The following ASTN1 variants were observed in gnomAD, a reference collection of about 807,000 sequenced individuals.
ASTN1 encodes astrotactin 1.
ASTN1 carries 41 observed loss-of-function variants against 140.7 expected under a neutral mutation model. The ratio of observed to expected loss-of-function variants is 0.29; its 90% CI spans 0.23 to 0.38. The LOEUF is 0.38. Ranked by LOEUF, ASTN1 falls within the 10% of genes least tolerant of loss-of-function variation. The pLI is 1.00. For missense variants in ASTN1, 1,479 were observed against 1,678.8 expected (o/e 0.88, Z 2.08); for synonymous variants, 640 against 652.2 (o/e 0.98, Z 0.29).
chr1:176,986,019 G>A (rs1673887670), intron 8 of ASTN1, among the ~76,000 whole-genome samples: 1 of 152,184 alleles, frequency 6.6e-6, no homozygotes, highest in South Asian at 2.1e-4. Flanking sequence ...CTTCCAGAGG[G>A]CGCAGCTGAG....
chr1:177,004,605 C>A (rs1015673796), intron 8 of ASTN1, among the ~76,000 whole-genome samples: 2 of 152,110 alleles, frequency 1.3e-5, no homozygotes, highest in African/African-American at 4.8e-5. Context: ...ACCAAAATAG[C>A]ATGGTACTGG....
At chr1:177,051,272 T>C (rs1333131732) in intron 2 of ASTN1, among the ~76,000 whole-genome samples, 1 of 152,236 alleles carries the variant, frequency 6.6e-6, no homozygotes, top group Non-Finnish European at 1.5e-5. Flanking sequence ...GGTTGTAGTC[T>C]TTATGTGGGT....
At chr1:177,124,332 T>C (rs757412343) in intron 1 of ASTN1, among the ~76,000 whole-genome samples, 1 of 152,214 alleles carries the variant, frequency 6.6e-6, no homozygotes, top group Admixed American at 6.5e-5. Context: ...CTGAGGCTGA[T>C]AGAGTTCAGT....
intron 1 of ASTN1, among the ~76,000 whole-genome samples, chr1:177,159,066 CAAAAAAAAAAAA>C (rs57759902): frequency 1.3e-5 from 1 of 74,650 alleles, no homozygotes; most frequent in African/African-American, 3.6e-5. Context: ...GGATCCATCT[CAAAAAAAAAAAA>C]AAAAAAAAAT....
chr1:176,969,744 G>T (rs1345244364), intron 8 of ASTN1, among the ~76,000 whole-genome samples: 1 of 152,134 alleles, frequency 6.6e-6, no homozygotes, highest in Non-Finnish European at 1.5e-5. Context: ...TTTGATATGT[G>T]GTCTCCAATA....
chr1:177,064,378 C>A (rs990089739), intron 1 of ASTN1, among the ~76,000 whole-genome samples: 6 of 152,170 alleles, frequency 3.9e-5, no homozygotes, highest in African/African-American at 1.4e-4. Context: ...TTAATATATT[C>A]ACAAAGTTGT....
At position 176,862,335 on chromosome 1, in the gene ASTN1, C is replaced by T. The variant is rs959233417; in HGVS notation, c.*1949G>A. 8 of 985,374 alleles carry T rather than the reference C, an allele frequency of 8.1e-6. No individual in the cohort carries two copies. The African/African-American group carries it at 1.4e-4, about 17-fold the overall frequency. The allele number at this position is 985,374 out of a possible 1,614,324, so 61.0% of individuals were successfully genotyped here. ...TGCTTTATCTCAGCCTCATCACAGG[C>T]TTCCTTCCCAGTCATGAGGGTGGGG... On this transcript the variant is annotated 3_prime_UTR_variant, in exon 23 of 23. Transcript: ENST00000361833.
At chr1:177,012,219 G>A (rs569270989) in intron 8 of ASTN1, among the ~76,000 whole-genome samples, 10 of 152,216 alleles carry the variant, frequency 6.6e-5, no homozygotes, top group Non-Finnish European at 1.0e-4. Flanking sequence ...AACAAATTTC[G>A]ATTAATTTTG....
At chr1:176,946,855 T>C (rs1210673779) in intron 12 of ASTN1, among the ~76,000 whole-genome samples, 1 of 152,228 alleles carries the variant, frequency 6.6e-6, no homozygotes, top group Non-Finnish European at 1.5e-5. Context: ...AAGTCATTAA[T>C]TGGACCTTAT....
At chr1:177,077,681 A>G (rs1052379162) in intron 1 of ASTN1, among the ~76,000 whole-genome samples, 4 of 152,222 alleles carry the variant, frequency 2.6e-5, no homozygotes, top group African/African-American at 4.8e-5. Flanking sequence ...GAACAGTATT[A>G]GCAAGGTTCA....
chr1:177,026,810 T>C (rs1034540761), intron 5 of ASTN1, among the ~76,000 whole-genome samples: 12 of 152,096 alleles, frequency 7.9e-5, no homozygotes, highest in African/African-American at 2.4e-4. Flanking sequence ...ACCCATATCA[T>C]CTTATATCTA....
chr1:177,010,463 C>T (rs1675236058), intron 8 of ASTN1, among the ~76,000 whole-genome samples: 1 of 152,232 alleles, frequency 6.6e-6, no homozygotes, highest in Non-Finnish European at 1.5e-5. Flanking sequence ...GCTGTAACCT[C>T]AAACATTCCA....
intron 16 of ASTN1, among the ~76,000 whole-genome samples, chr1:176,903,412 A>T (rs1015852324): frequency 6.6e-6 from 1 of 152,078 alleles, no homozygotes; most frequent in Non-Finnish European, 1.5e-5. Context: ...TCGCTGTGCC[A>T]GTGCTTGGCT....
At chr1:177,158,186 G>T (rs932808706) in intron 1 of ASTN1, among the ~76,000 whole-genome samples, 1 of 152,098 alleles carries the variant, frequency 6.6e-6, no homozygotes, top group Non-Finnish European at 1.5e-5. Context: ...TTAGATTACC[G>T]TCAACAATTT....
chr1:176,945,801 G>T, intron 13 of ASTN1, 125 bp downstream of exon 13: 1 of 890,216 alleles, frequency 1.1e-6, no homozygotes, highest in Non-Finnish European at 1.6e-6. Context: ...TAAGAATGTA[G>T]TCTATCCCTT....
intron 2 of ASTN1, among the ~76,000 whole-genome samples, chr1:177,057,253 C>G (rs1353024218): frequency 2.0e-5 from 3 of 152,130 alleles, no homozygotes; most frequent in Admixed American, 1.3e-4. Context: ...GAGCTCCCAG[C>G]TGGGGAATTG....
Position 176,956,206 on chromosome 1 carries a change from A to T in ASTN1, c.1887+1472T>A, listed in dbSNP as rs1045998622. 5.3e-5 allele frequency among the ~76,000 whole-genome samples: 8 copies of T among 151,926 alleles called. No homozygotes were observed. The South Asian group carries it at 1.7e-3, about 32-fold the overall frequency. On this transcript the variant is annotated intron_variant, in intron 11 of 22. Transcript: ENST00000361833. Reference sequence around the variant, plus strand: ...CTTCCTGTTCTTCTTTCCCCTCCTTATCATGGACCCACAGGTTCTCCTCCT... The same window carrying T: ...CTTCCTGTTCTTCTTTCCCCTCCTTTTCATGGACCCACAGGTTCTCCTCCT...
chr1:177,065,406 C>T (rs1444035844), intron 1 of ASTN1, among the ~76,000 whole-genome samples: 1 of 152,164 alleles, frequency 6.6e-6, no homozygotes, highest in Non-Finnish European at 1.5e-5. Flanking sequence ...CTATATTTGC[C>T]ACATTCAGCA....
At chr1:176,980,268 G>C (rs1673553106) in intron 8 of ASTN1, among the ~76,000 whole-genome samples, 1 of 152,158 alleles carries the variant, frequency 6.6e-6, no homozygotes, top group South Asian at 2.1e-4. Flanking sequence ...AAGATGACAG[G>C]AAGGTGAGGG....
Sources: gnomAD v4.1 joint callset for allele counts (sites outside exome capture counted in the v4.1 genomes callset) on GRCh38, gnomAD v4.1.1 for gene constraint, MANE v1.5 for transcripts, NCBI Gene and HGNC (gene_info 2026-07-23, HGNC 2026-07-21) for gene names.